The following PARD3B variants were observed in gnomAD, a reference collection of about 807,000 sequenced individuals.
The protein encoded by PARD3B is partitioning defective 3 homolog B.
PARD3B carries 103 observed loss-of-function variants against 130.2 expected under a neutral mutation model. The ratio of observed to expected loss-of-function variants is 0.79; its 90% CI spans 0.67 to 0.93. PARD3B has a LOEUF of 0.93. Ranked by LOEUF, PARD3B falls within the 40% of genes least tolerant of loss-of-function variation. The probability of loss-of-function intolerance (pLI) is 0.00; values close to 1 mark genes in which losing one functional copy is unlikely to be tolerated. For missense variants in PARD3B, 1,609 were observed against 1,499.2 expected, an observed-to-expected ratio of 1.07 and a Z score of -1.21; for synonymous variants, 583 against 553.2, an observed-to-expected ratio of 1.05 and a Z score of -0.76.
intron 14 of PARD3B, among the ~76,000 whole-genome samples, chr2:205,186,710 A>G (rs868167093): frequency 6.6e-6 from 1 of 152,142 alleles, no homozygotes. Context: ...GCTATCTCTG[A>G]TTCTTATACT....
intron 2 of PARD3B, among the ~76,000 whole-genome samples, chr2:204,775,577 A>G (rs1021268965): frequency 1.3e-5 from 2 of 152,166 alleles, no homozygotes; most frequent in East Asian, 3.9e-4. Context: ...TCTCTACACA[A>G]GGAAACCTCC....
At chr2:205,379,227 G>T (rs1243415776) in intron 18 of PARD3B, among the ~76,000 whole-genome samples, 1 of 152,088 alleles carries the variant, frequency 6.6e-6, no homozygotes, top group Non-Finnish European at 1.5e-5. Context: ...CTCTGGTTTT[G>T]CTTCAAATCC....
chr2:205,311,124 G>A (rs148031743), intron 18 of PARD3B, among the ~76,000 whole-genome samples: 1 of 152,132 alleles, frequency 6.6e-6, no homozygotes, highest in Non-Finnish European at 1.5e-5. Flanking sequence ...TGTGAATAGC[G>A]CTGCAATTAA....
intron 1 of PARD3B, among the ~76,000 whole-genome samples, chr2:204,575,647 C>T (rs938829732): frequency 6.6e-6 from 1 of 152,230 alleles, no homozygotes; most frequent in Non-Finnish European, 1.5e-5. Flanking sequence ...CCTGCCTGTT[C>T]TCCTCCTGGC....
Position 204,610,009 on chromosome 2 carries a change from A to G in PARD3B, c.120+63890A>G, listed in dbSNP as rs1459935755. Among the ~76,000 whole-genome samples the G allele has an allele frequency of 6.6e-6, 1 of 152,142 alleles. No individual in the cohort carries two copies. Among genetic ancestry groups the G allele is most frequent in the African/African-American group, 2.4e-5 (1 of 41,444 alleles). On this transcript the variant is annotated intron_variant, in intron 1 of 22. Coordinates refer to ENST00000406610, the MANE Select transcript of PARD3B (RefSeq NM_001302769.2). The surrounding 1 kb of genome is among the most constrained non-coding windows in gnomAD (Gnocchi z 4.1). ...GGGTCTACATGTGACTCTATACCAG[A>G]GTCAGGTTGGAACTTGGTGTCTTAT... is the stretch of plus-strand genomic sequence containing the variant.
chr2:205,441,941 C>T (rs369817137), intron 20 of PARD3B, among the ~76,000 whole-genome samples: 1 of 152,160 alleles, frequency 6.6e-6, no homozygotes, highest in African/African-American at 2.4e-5. Context: ...AATAACTAAA[C>T]TGCTAATTCA....
At chr2:205,250,562 C>G (rs1381415218) in intron 16 of PARD3B, among the ~76,000 whole-genome samples, 1 of 152,120 alleles carries the variant, frequency 6.6e-6, no homozygotes, top group Non-Finnish European at 1.5e-5. Flanking sequence ...GGAGCTATTT[C>G]TATGTGAGGC....
chr2:204,793,585 G>C (rs1485968376), intron 2 of PARD3B, among the ~76,000 whole-genome samples: 1 of 152,038 alleles, frequency 6.6e-6, no homozygotes, highest in Admixed American at 6.6e-5. Flanking sequence ...TCGGATCACT[G>C]CAACTTCTGC....
intron 1 of PARD3B, among the ~76,000 whole-genome samples, chr2:204,562,559 C>T (rs957839861): frequency 6.6e-5 from 10 of 152,096 alleles, no homozygotes; most frequent in African/African-American, 1.4e-4. Context: ...ATAAAATCTT[C>T]GAGAAACTGA....
At position 205,263,037 on chromosome 2, in the gene PARD3B, A is replaced by G. The variant is rs892996535; in HGVS notation, c.2185+17215A>G. Reference sequence around the variant, plus strand: ...AATACAGAGCTAGATTGAAAGCCCAAGGTACTGCCATGGGGGTAATTTATG... The same window carrying G: ...AATACAGAGCTAGATTGAAAGCCCAGGGTACTGCCATGGGGGTAATTTATG... On this transcript the variant is annotated intron_variant, in intron 16 of 22. Coordinates refer to ENST00000406610, the MANE Select transcript of PARD3B (RefSeq NM_001302769.2). This position sits in a 1 kb window ranked among gnomAD's most constrained non-coding sequence, Gnocchi z 4.0. Among the ~76,000 whole-genome samples, 1 of 152,088 alleles carries G rather than the reference A, an allele frequency of 6.6e-6. No homozygotes were observed. The highest frequency in any genetic ancestry group is 1.5e-5 in the Non-Finnish European group (1 of 67,970).
chr2:204,785,510 T>G (rs2041977984), intron 2 of PARD3B, among the ~76,000 whole-genome samples: 1 of 152,146 alleles, frequency 6.6e-6, no homozygotes, highest in Non-Finnish European at 1.5e-5. Context: ...CATCCTTCCT[T>G]AATATGACAC....
chr2:205,194,609 G>C (rs576157236), intron 15 of PARD3B, among the ~76,000 whole-genome samples: 1 of 152,194 alleles, frequency 6.6e-6, no homozygotes, highest in Non-Finnish European at 1.5e-5. Flanking sequence ...TATTTTTGAG[G>C]AGAGAAATAT....
rs572259735 is a variant in PARD3B at position 205,397,284 on chromosome 2, C to T, written c.2631-3729C>T. ...AATAAATTTCACATGTATTTCTGCC[C>T]TTCTTATTGGAAACTTGAATCGAGG... On this transcript the variant is annotated intron_variant, in intron 18 of 22. Transcript: ENST00000406610. The surrounding 1 kb of genome is among the most constrained non-coding windows in gnomAD (Gnocchi z 4.8). Among the ~76,000 whole-genome samples the T allele has an allele frequency of 9.9e-5, 15 of 152,230 alleles. No individual in the cohort carries two copies. The East Asian group carries it at 2.5e-3, about 25-fold the overall frequency.
intron 21 of PARD3B, among the ~76,000 whole-genome samples, chr2:205,552,279 C>T (rs1190933072): frequency 2.8e-5 from 4 of 145,076 alleles, no homozygotes; most frequent in Admixed American, 7.2e-5. Flanking sequence ...GGTGGCCATT[C>T]GTAAGAGAGA....
intron 3 of PARD3B, among the ~76,000 whole-genome samples, chr2:204,990,655 G>A (rs1445602135): frequency 6.6e-6 from 1 of 152,036 alleles, no homozygotes; most frequent in Non-Finnish European, 1.5e-5. Context: ...GTGTGTGTAT[G>A]CTACAAATAT....
intron 21 of PARD3B, 106 bp downstream of exon 21, chr2:205,500,137 T>A (rs75417447): frequency 0.032 from 41,630 of 1,288,078 alleles, 1,299 homozygotes; most frequent in South Asian, 0.13. Flanking sequence ...TCTATTTAGG[T>A]TTCTTGGGCT....
intron 2 of PARD3B, among the ~76,000 whole-genome samples, chr2:204,710,574 G>A (rs1312387915): frequency 2.0e-5 from 3 of 152,184 alleles, no homozygotes; most frequent in East Asian, 1.9e-4. Context: ...TGTGTCCACC[G>A]ATTACTGACT....
At chr2:204,977,212 T>A (rs1464801166) in intron 3 of PARD3B, among the ~76,000 whole-genome samples, 1 of 152,244 alleles carries the variant, frequency 6.6e-6, no homozygotes, top group African/African-American at 2.4e-5. Flanking sequence ...GTAATTGCTT[T>A]GATCTTTTTT....
Position 205,300,480 on chromosome 2 carries a change from C to T in PARD3B, c.2186-50C>T. The T allele has an allele frequency of 1.4e-6, 2 of 1,476,628 alleles. No individual in the cohort carries two copies. Among genetic ancestry groups the T allele is most frequent in the South Asian group, 2.3e-5 (2 of 87,564 alleles). 91.5% of individuals were successfully genotyped at this position (1,476,628 alleles called of 1,614,324 possible). A position where few individuals can be genotyped will look rare whatever the true frequency, so the allele number is the denominator to read the frequency against. ...ATATTCTTAGAACAATAGCATTACA[C>T]CACACTGCCCCATTAGAAGAGGGGT... On this transcript the variant is annotated intron_variant, in intron 16 of 22. Coordinates refer to ENST00000406610, the MANE Select transcript of PARD3B (RefSeq NM_001302769.2). The surrounding 1 kb of genome is among the most constrained non-coding windows in gnomAD (Gnocchi z 4.1).
Sources: allele counts gnomAD v4.1 joint callset (sites outside exome capture counted in the v4.1 genomes callset), GRCh38; gene constraint gnomAD v4.1.1; non-coding constraint Gnocchi (gnomAD v3.1); transcripts MANE v1.5; gene names NCBI Gene and HGNC (gene_info 2026-07-23, HGNC 2026-07-21).